SRGAP3: variants seen among roughly 807,000 people sequenced by gnomAD.
SRGAP3 encodes the protein SLIT-ROBO Rho GTPase activating protein 3.
In SRGAP3, 39 loss-of-function variants were observed where a neutral mutation model predicts 121.1. The observed-to-expected ratio is 0.32, with a 90% confidence interval of 0.25 to 0.42. The LOEUF (loss-of-function observed/expected upper bound fraction) is 0.42, where lower values mean the gene tolerates loss of function less well. Among genes scored for constraint, SRGAP3 ranks in the 10% least tolerant of loss-of-function variants. The pLI is 1.00. For missense variants in SRGAP3, 1,213 were observed against 1,470.6 expected (o/e 0.82, Z 2.86); for synonymous variants, 601 against 570.0 (o/e 1.05, Z -0.77).
intron 14 of SRGAP3, among the ~76,000 whole-genome samples, chr3:9,023,919 C>G (rs910611654): frequency 5.3e-5 from 8 of 152,160 alleles, no homozygotes; most frequent in African/African-American, 1.9e-4. Flanking sequence ...CACCTACATC[C>G]ACAGAGGGTC....
chr3:8,990,871 G>A, intron 20 of SRGAP3, 32 bp from the exon 21 acceptor site: 2 of 1,475,574 alleles, frequency 1.4e-6, no homozygotes, highest in Non-Finnish European at 1.8e-6. Flanking sequence ...AGGGGCATGG[G>A]GCAGAGGTCA....
chr3:9,347,233 A>G (rs748409473), intron 1 of SRGAP3, among the ~76,000 whole-genome samples: 1 of 151,970 alleles, frequency 6.6e-6, no homozygotes, highest in Non-Finnish European at 1.5e-5. Context: ...TGGCGTGATC[A>G]TGGCTCACTG....
chr3:8,998,413 A>C (rs1942545284), intron 18 of SRGAP3, among the ~76,000 whole-genome samples: 1 of 152,180 alleles, frequency 6.6e-6, no homozygotes, highest in African/African-American at 2.4e-5. Context: ...CAACTGCAAG[A>C]GCCCCAACTG....
At chr3:9,304,453 T>C (rs1019849726) in intron 3 of SRGAP3, among the ~76,000 whole-genome samples, 1 of 152,152 alleles carries the variant, frequency 6.6e-6, no homozygotes, top group Non-Finnish European at 1.5e-5. Flanking sequence ...GTGGAACTAG[T>C]AGGTCTTAGA....
At chr3:9,362,480 G>A (rs995106058) in intron 1 of SRGAP3, among the ~76,000 whole-genome samples, 1 of 149,698 alleles carries the variant, frequency 6.7e-6, no homozygotes, top group East Asian at 2.0e-4. Flanking sequence ...AACCCTTTAT[G>A]AGAAATAAAG....
intron 3 of SRGAP3, among the ~76,000 whole-genome samples, chr3:9,321,756 C>T (rs539365599): frequency 1.1e-4 from 17 of 151,678 alleles, no homozygotes; most frequent in African/African-American, 4.1e-4. Flanking sequence ...TAAGTGGGAG[C>T]TAAATGAGGA....
chr3:9,016,071 A>T, intron 14 of SRGAP3: 1 of 345,044 alleles, frequency 2.9e-6, no homozygotes, highest in South Asian at 2.9e-5. Flanking sequence ...ATCAAAACAC[A>T]CCACCGCTAA....
At chr3:9,078,285 G>A (rs373883038) in intron 4 of SRGAP3, among the ~76,000 whole-genome samples, 1 of 152,048 alleles carries the variant, frequency 6.6e-6, no homozygotes, top group African/African-American at 2.4e-5. Context: ...CAGGACATTG[G>A]GGCTAAGTTG....
At chr3:9,149,617 C>A (rs1303086862) in intron 1 of SRGAP3, among the ~76,000 whole-genome samples, 2 of 152,196 alleles carry the variant, frequency 1.3e-5, no homozygotes, top group African/African-American at 4.8e-5. Context: ...CCATCACCAG[C>A]AGCACATGTC....
At chr3:9,281,087 A>G (rs1954668683) in intron 3 of SRGAP3, among the ~76,000 whole-genome samples, 1 of 152,172 alleles carries the variant, frequency 6.6e-6, no homozygotes, top group Non-Finnish European at 1.5e-5. Flanking sequence ...GCCTCTCCAC[A>G]CTAATAAACT....
At chr3:9,049,028 C>G (rs527667520) in intron 9 of SRGAP3, among the ~76,000 whole-genome samples, 1 of 152,068 alleles carries the variant, frequency 6.6e-6, no homozygotes, top group Non-Finnish European at 1.5e-5. Context: ...ATGTGCCTGC[C>G]CCAAATCCAC....
chr3:9,199,741 C>G (rs1367671426), intron 1 of SRGAP3, among the ~76,000 whole-genome samples: 2 of 152,206 alleles, frequency 1.3e-5, no homozygotes, highest in South Asian at 4.1e-4. Flanking sequence ...TATTCTCTAA[C>G]TCAAAGCATG....
upstream of SRGAP3, chr3:9,249,833 G>C (rs1953960093): frequency 5.1e-6 from 1 of 194,662 alleles, no homozygotes; most frequent in South Asian, 1.9e-4. Context: ...TAAGTCTTGA[G>C]AGGCTTCTGC....
chr3:9,053,242 A>G lies in SRGAP3; in HGVS notation c.1126-18T>C. ...TTCCTAACCTGGGGAAACACAGCAG[A>G]TTGACAAAAATCCTGTATTCTCATA... On this transcript the variant is annotated intron_variant, in intron 8 of 21. Transcript: ENST00000383836. The G allele has an allele frequency of 1.2e-6, 2 of 1,610,158 alleles. No homozygotes were observed. The highest frequency in any genetic ancestry group is 1.7e-6 in the Non-Finnish European group (2 of 1,177,888).
chr3:9,025,702 T>C (rs1184295992), intron 13 of SRGAP3, among the ~76,000 whole-genome samples: 1 of 152,218 alleles, frequency 6.6e-6, no homozygotes, highest in Non-Finnish European at 1.5e-5. Flanking sequence ...ATCATTAAAG[T>C]AAAACTATCC....
At chr3:9,246,946 A>G (rs1953848165) in intron 1 of SRGAP3, among the ~76,000 whole-genome samples, 1 of 151,968 alleles carries the variant, frequency 6.6e-6, no homozygotes, top group Non-Finnish European at 1.5e-5. Context: ...TTAAAATAAA[A>G]GATGAAAGGT....
intron 3 of SRGAP3, among the ~76,000 whole-genome samples, chr3:9,323,219 T>TG (rs763049101): frequency 4.6e-5 from 7 of 151,688 alleles, no homozygotes; most frequent in Non-Finnish European, 8.8e-5. Flanking sequence ...AGTTTTGGGG[T>TG]GGGATGAAAC....
intron 1 of SRGAP3, among the ~76,000 whole-genome samples, chr3:9,210,834 A>C (rs1263916937): frequency 1.3e-5 from 2 of 152,204 alleles, no homozygotes; most frequent in African/African-American, 4.8e-5. Context: ...TGTCTCAAAA[A>C]AATAATAATA....
chr3:9,305,361 CTCTTT>C (rs1389077452), intron 3 of SRGAP3, among the ~76,000 whole-genome samples: 1 of 125,680 alleles, frequency 8.0e-6, no homozygotes, highest in African/African-American at 3.2e-5. Context: ...AGGAGGTCCT[CTCTTT>C]TTTTTTTTTT....
Sources: allele counts gnomAD v4.1 joint callset (sites outside exome capture counted in the v4.1 genomes callset), GRCh38; gene constraint gnomAD v4.1.1; transcripts MANE v1.5; gene names NCBI Gene and HGNC (gene_info 2026-07-23, HGNC 2026-07-21).